The following CAPZB variants were observed in gnomAD, a reference collection of about 807,000 sequenced individuals.
CAPZB encodes F-actin-capping protein subunit beta.
CAPZB carries 2 observed loss-of-function variants against 38.1 expected under a neutral mutation model. That is an observed-to-expected ratio of 0.05 (90% CI 0.02 to 0.17). The LOEUF (loss-of-function observed/expected upper bound fraction) is 0.17, where lower values mean the gene tolerates loss of function less well. CAPZB is among the 10% of genes least tolerant of loss of function. The pLI is 1.00. For synonymous variants in CAPZB, 107 were observed against 127.4 expected (o/e 0.84, Z 1.08); for missense variants, 161 against 334.2 (o/e 0.48, Z 4.04).
rs958023465 is a variant in CAPZB, at chr1:19,382,343, T to C, written c.215+3162A>G. On this transcript the variant is annotated intron_variant, in intron 3 of 8. Transcript: ENST00000264202. ...ACTTAAGAGCTTAAATGGAGGCCAT[T>C]TGAAAAAAGACAGATGGACAGGAAT... Among the ~76,000 whole-genome samples the C allele has an allele frequency of 2.6e-5, 4 of 152,224 alleles. No homozygotes were observed. In the East Asian group the frequency reaches 5.8e-4, roughly 22 times the overall value.
intron 1 of CAPZB, among the ~76,000 whole-genome samples, chr1:19,429,408 TGAAGAAGTTCAAGACTCTAAAGGCA>T (rs2094434920): frequency 6.6e-6 from 1 of 152,214 alleles, no homozygotes; most frequent in Admixed American, 6.5e-5. Flanking sequence ...TTCCTTTTCT[TGAAGAAGTTCAAGACTCTAAAGGCA>T]GAGATACGAT....
chr1:19,462,503 C>A (rs375685361), intron 1 of CAPZB, among the ~76,000 whole-genome samples: 4 of 151,934 alleles, frequency 2.6e-5, no homozygotes, highest in African/African-American at 7.3e-5. Flanking sequence ...TGGTCCAAAC[C>A]CTCAATACAG....
At chr1:19,437,916 G>C (rs1414095751) in intron 1 of CAPZB, among the ~76,000 whole-genome samples, 1 of 152,130 alleles carries the variant, frequency 6.6e-6, no homozygotes, top group East Asian at 1.9e-4. Context: ...TGTTTTCCTA[G>C]GCTCCTTCCT....
intron 1 of CAPZB, among the ~76,000 whole-genome samples, chr1:19,445,248 A>G (rs1397835635): frequency 5.3e-5 from 8 of 152,204 alleles, no homozygotes; most frequent in Non-Finnish European, 1.5e-5. Flanking sequence ...GTGACCCAAT[A>G]GGAAAAAGCA....
intron 1 of CAPZB, among the ~76,000 whole-genome samples, chr1:19,429,746 T>C (rs552056310): frequency 6.6e-6 from 1 of 152,326 alleles, no homozygotes; most frequent in African/African-American, 2.4e-5. Context: ...AGGTTTTCCA[T>C]TCAGGCTGCC....
At chr1:19,359,210 CTTTT>C (rs57251931) in intron 4 of CAPZB, among the ~76,000 whole-genome samples, 26,137 of 114,480 alleles carry the variant, frequency 0.23, 1,909 homozygotes, top group Admixed American at 0.26. Flanking sequence ...TCTCTGTACT[CTTTT>C]TTTTTTTTTT....
chr1:19,355,860 G>A (rs2100310833), intron 6 of CAPZB, among the ~76,000 whole-genome samples: 1 of 152,296 alleles, frequency 6.6e-6, no homozygotes, highest in South Asian at 2.1e-4. Flanking sequence ...AATGTAAAGG[G>A]TCCTGAACAT....
intron 1 of CAPZB, chr1:19,419,970 CA>C: frequency 2.0e-6 from 1 of 512,622 alleles, no homozygotes; most frequent in East Asian, 3.3e-5. Context: ...TGGGGGCATC[CA>C]AAAGACCCTG....
At chr1:19,459,448 G>C (rs542588292) in intron 1 of CAPZB, among the ~76,000 whole-genome samples, 60 of 152,306 alleles carry the variant, frequency 3.9e-4, no homozygotes, top group Non-Finnish European at 6.9e-4. Context: ...TTTTTAAAGA[G>C]AGAAAATAGG....
rs1274849438 is a variant in CAPZB at position 19,358,910 on chromosome 1, GA to G, written c.330-1348del. Among the ~76,000 whole-genome samples, 3 of 152,236 alleles carry G rather than the reference GA, an allele frequency of 2.0e-5. No individual in the cohort carries two copies. The East Asian group carries it at 5.8e-4, about 29-fold the overall frequency. On this transcript the variant is annotated intron_variant, in intron 4 of 8. Transcript: ENST00000264202. ...TGGGTACAGGCTTGGGAGTCAGACAGACCCAATGACAGCTCTAGCACGCCCA... is the reference window on the plus strand; with the variant it reads ...TGGGTACAGGCTTGGGAGTCAGACAGCCCAATGACAGCTCTAGCACGCCCA...
At chr1:19,389,648 T>C (rs951714035) in intron 2 of CAPZB, among the ~76,000 whole-genome samples, 15 of 152,116 alleles carry the variant, frequency 9.9e-5, no homozygotes, top group African/African-American at 2.9e-4. Flanking sequence ...GGATGGTCTC[T>C]ATCTCCTAAC....
At position 19,426,898 on chromosome 1, in the gene CAPZB, C is replaced by G. The variant is rs59274903; in HGVS notation, c.4-7148G>C. ...GATTTGTCTGGTGACCTTGGGGAGA[C>G]AGCCTGACCAGAGACGAAACTGGGG... On this transcript the variant is annotated intron_variant, in intron 1 of 8. Coordinates refer to ENST00000264202, the MANE Select transcript of CAPZB (RefSeq NM_004930.5). 3.8e-3 allele frequency among the ~76,000 whole-genome samples: 576 copies of G among 152,312 alleles called. 2 individuals are homozygous for G. The highest frequency in any genetic ancestry group is 0.013 in the African/African-American group (553 of 41,562).
chr1:19,388,658 C>T (rs923747101), intron 2 of CAPZB, among the ~76,000 whole-genome samples: 1 of 152,176 alleles, frequency 6.6e-6, no homozygotes, highest in Non-Finnish European at 1.5e-5. Context: ...TTTTTATTAA[C>T]ATATGACCTC....
At chr1:19,389,178 T>C in intron 2 of CAPZB, among the ~76,000 whole-genome samples, 1 of 152,136 alleles carries the variant, frequency 6.6e-6, no homozygotes, top group East Asian at 1.9e-4. Flanking sequence ...GGTGCATTAG[T>C]CACGACCTGG....
chr1:19,456,800 T>C (rs1417101212), intron 1 of CAPZB, among the ~76,000 whole-genome samples: 5 of 152,152 alleles, frequency 3.3e-5, no homozygotes, highest in Admixed American at 3.3e-4. Flanking sequence ...CCAATAATGT[T>C]ATAAAGGGAG....
chr1:19,351,242 A>C (rs2093989990), intron 6 of CAPZB, among the ~76,000 whole-genome samples: 1 of 149,760 alleles, frequency 6.7e-6, no homozygotes, highest in Admixed American at 6.6e-5. Flanking sequence ...TGGCCTCCCA[A>C]AGTGCTGGGA....
At chr1:19,355,730 G>C (rs2094017419) in intron 6 of CAPZB, among the ~76,000 whole-genome samples, 1 of 152,326 alleles carries the variant, frequency 6.6e-6, no homozygotes. Flanking sequence ...CTTCTCCGAA[G>C]GCAAAGAGGG....
At chr1:19,478,775 C>T (rs2094616494) in intron 1 of CAPZB, among the ~76,000 whole-genome samples, 1 of 152,094 alleles carries the variant, frequency 6.6e-6, no homozygotes, top group African/African-American at 2.4e-5. Flanking sequence ...AATGAATGAC[C>T]CGATGGAAAA....
chr1:19,424,886 C>A lies in CAPZB; in HGVS notation c.4-5136G>T, dbSNP rs571778994. ...CAGTTCAACAACTGTGCACTGAGTG[C>A]CAACCCTGGGCCAGGCCCTGAATCC... On this transcript the variant is annotated intron_variant, in intron 1 of 8. Transcript: ENST00000264202. Among the ~76,000 whole-genome samples the A allele has an allele frequency of 7.2e-5, 11 of 152,340 alleles. 1 individual carries two copies. The East Asian group carries it at 2.1e-3, about 29-fold the overall frequency.
Sources: allele counts gnomAD v4.1 joint callset (sites outside exome capture counted in the v4.1 genomes callset), GRCh38; gene constraint gnomAD v4.1.1; transcripts MANE v1.5; gene names NCBI Gene and HGNC (gene_info 2026-07-23, HGNC 2026-07-21).